The following DOCK5 variants were observed in gnomAD, a reference collection of about 807,000 sequenced individuals.
DOCK5 encodes dedicator of cytokinesis protein 5.
DOCK5 carries 142 observed loss-of-function variants against 251.8 expected under a neutral mutation model. The observed-to-expected ratio is 0.56, with a 90% confidence interval of 0.49 to 0.65. DOCK5 has a LOEUF of 0.65. Among genes scored for constraint, DOCK5 ranks in the 30% least tolerant of loss-of-function variants. The probability of loss-of-function intolerance (pLI) is 0.00; values close to 1 mark genes in which losing one functional copy is unlikely to be tolerated. For synonymous variants in DOCK5, 842 were observed against 835.5 expected, an observed-to-expected ratio of 1.01 and a Z score of -0.13; for missense variants, 2,111 against 2,312.3, an observed-to-expected ratio of 0.91 and a Z score of 1.79.
intron 48 of DOCK5, 22 bp downstream of exon 48, chr8:25,403,746 T>A: frequency 6.2e-7 from 1 of 1,612,646 alleles, no homozygotes; most frequent in Non-Finnish European, 8.5e-7. Context: ...ATCTTTAATC[T>A]GCAGGAAGGG....
intron 13 of DOCK5, among the ~76,000 whole-genome samples, chr8:25,312,661 G>C (rs1805132604): frequency 6.6e-6 from 1 of 151,572 alleles, no homozygotes; most frequent in African/African-American, 2.4e-5. Flanking sequence ...TACTCAGGAG[G>C]CTGAGGCAGG....
intron 31 of DOCK5, among the ~76,000 whole-genome samples, chr8:25,367,793 A>C (rs1800802357): frequency 6.6e-6 from 1 of 152,218 alleles, no homozygotes; most frequent in Non-Finnish European, 1.5e-5. Context: ...ATATTACCCC[A>C]ATATCAGTCT....
At chr8:25,232,553 G>T (rs1397480) in intron 1 of DOCK5, among the ~76,000 whole-genome samples, 1 of 152,126 alleles carries the variant, frequency 6.6e-6, no homozygotes, top group Non-Finnish European at 1.5e-5. Flanking sequence ...GGGCAGTCAG[G>T]TTCTGGTGAG....
chr8:25,374,548 C>T lies in DOCK5; in HGVS notation c.3726-16C>T, dbSNP rs188433578. ...CTCTCGAGTGACAAAATGCTTCCTT[C>T]TCCCCTTCTTGCCAGATATCTGTAC... On this transcript the variant is annotated splice_polypyrimidine_tract_variant and intron_variant, in intron 36 of 51. Coordinates refer to ENST00000276440, the MANE Select transcript of DOCK5 (RefSeq NM_024940.8). 759 of 1,591,712 alleles carry T rather than the reference C, an allele frequency of 4.8e-4. 2 individuals carry two copies. The African/African-American group carries it at 9.1e-3, about 19-fold the overall frequency.
Position 25,184,760 on chromosome 8 carries a change from C to G in DOCK5, c.-149C>G, listed in dbSNP as rs1307566071. On this transcript the variant is annotated 5_prime_UTR_variant, in exon 1 of 52. Transcript: ENST00000276440. ...GGCACGGGCACGGGCGCGGGCGGCG[C>G]GGCGAGGAGGCGGCCCGCGGAGTCC... 1.6e-5 allele frequency: 10 copies of G among 636,406 alleles called. No homozygotes were observed. The highest frequency in any genetic ancestry group is 4.9e-5 in the Admixed American group (1 of 20,504). 39.4% of individuals were successfully genotyped at this position (636,406 alleles called of 1,614,324 possible).
In DOCK5 at chr8:25,298,960, T is replaced by G; in HGVS notation, c.623T>G (p.Leu208Arg). The change falls in exon 8 of 52, where the codon CTC becomes CGC. Residue 208 changes from leucine to arginine, a missense_variant. By Grantham distance (102) the Leu-to-Arg change is moderately radical. Around this residue, in one of 3 missense-constraint regions of DOCK5, gnomAD observed 335 missense variants for 324.9 expected, o/e 1.03. Coordinates refer to ENST00000276440, the MANE Select transcript of DOCK5 (RefSeq NM_024940.8). ...TTTGTTCAGTCAATCCTGCAGAACCTCGATTTGCGGGGCCAGTCCATCTTC... is the reference window on the plus strand; with the variant it reads ...TTTGTTCAGTCAATCCTGCAGAACCGCGATTTGCGGGGCCAGTCCATCTTC... ...IQEEKSILQN[L>R]DLRGQSIFST... The G allele has an allele frequency of 6.2e-7, 1 of 1,612,446 alleles. No homozygotes were observed. The highest frequency in any genetic ancestry group is 1.7e-5 in the Admixed American group (1 of 59,664).
chr8:25,384,441 T>TTATA (rs1801124140), intron 40 of DOCK5, among the ~76,000 whole-genome samples: 1 of 25,032 alleles, frequency 4.0e-5, no homozygotes, highest in African/African-American at 8.4e-5. Context: ...TTTTATTTAT[T>TTATA]TATTTATTTA....
chr8:25,386,439 T>A (rs546388475), intron 40 of DOCK5, among the ~76,000 whole-genome samples: 133 of 152,080 alleles, frequency 8.7e-4, no homozygotes, highest in Non-Finnish European at 1.5e-3. Context: ...TATAAAAAAA[T>A]TTTTTAAAAA....
chr8:25,260,110 A>C (rs543870328), intron 2 of DOCK5, among the ~76,000 whole-genome samples: 5 of 152,140 alleles, frequency 3.3e-5, no homozygotes, highest in Non-Finnish European at 5.9e-5. Flanking sequence ...ACGAGTTTGC[A>C]CCCAGCAGTT....
chr8:25,403,880 A>G (rs1448193751), intron 48 of DOCK5, among the ~76,000 whole-genome samples, 156 bp downstream of exon 48: 1 of 152,238 alleles, frequency 6.6e-6, no homozygotes, highest in African/African-American at 2.4e-5. Flanking sequence ...TAATAACAAC[A>G]GTTACTAAAA....
chr8:25,283,289 T>A (rs1804249047), intron 5 of DOCK5, among the ~76,000 whole-genome samples: 1 of 152,114 alleles, frequency 6.6e-6, no homozygotes, highest in Non-Finnish European at 1.5e-5. Context: ...GGCCTTATGC[T>A]CAGGAGAGGA....
intron 40 of DOCK5, 50 bp from the exon 41 acceptor site, chr8:25,389,041 C>T (rs1801211006): frequency 6.3e-7 from 1 of 1,588,028 alleles, no homozygotes; most frequent in Non-Finnish European, 8.6e-7. Flanking sequence ...CTCCAGTTGC[C>T]TCTCCACTCT....
chr8:25,355,713 G>C (rs377398410), intron 27 of DOCK5, among the ~76,000 whole-genome samples: 3 of 152,234 alleles, frequency 2.0e-5, no homozygotes, highest in Admixed American at 1.3e-4. Context: ...GCATCCTAAA[G>C]TGCTGGGATT....
chr8:25,369,491 A>G, intron 33 of DOCK5, 65 bp from the exon 34 acceptor site: 1 of 1,461,336 alleles, frequency 6.8e-7, no homozygotes, highest in African/African-American at 1.4e-5. Context: ...CCAAGTCTAG[A>G]AAGTTGGCCA....
intron 1 of DOCK5, among the ~76,000 whole-genome samples, chr8:25,206,625 A>G (rs1386109919): frequency 6.6e-6 from 1 of 152,164 alleles, no homozygotes; most frequent in Non-Finnish European, 1.5e-5. Context: ...GGGAAGGCCT[A>G]GGTAGCCTCG....
At chr8:25,317,604 A>AGTTT (rs559523600) in intron 14 of DOCK5, among the ~76,000 whole-genome samples, 8 of 151,990 alleles carry the variant, frequency 5.3e-5, no homozygotes, top group Admixed American at 6.6e-5. Context: ...ACTGCTCTTT[A>AGTTT]GTTTGTTTGT....
chr8:25,263,178 C>CT lies in DOCK5; in HGVS notation c.128-5659dup, dbSNP rs11386811. Among the ~76,000 whole-genome samples, 466 of 151,708 alleles carry CT rather than the reference C, an allele frequency of 3.1e-3. 8 individuals carry two copies. Among genetic ancestry groups the CT allele is most frequent in the African/African-American group, 0.011 (438 of 41,150 alleles). ...GACAAATAAGATCATTTATCAGTTT[C>CT]TTTTTTTTCTTGGATTCATTCCTCA... is the stretch of plus-strand genomic sequence containing the variant. On this transcript the variant is annotated intron_variant, in intron 2 of 51. Coordinates refer to ENST00000276440, the MANE Select transcript of DOCK5 (RefSeq NM_024940.8).
intron 1 of DOCK5, among the ~76,000 whole-genome samples, chr8:25,200,650 A>C (rs925080529): frequency 1.3e-5 from 2 of 152,216 alleles, no homozygotes; most frequent in African/African-American, 4.8e-5. Flanking sequence ...ATAAGAGCAC[A>C]TTTTTGTTAC....
chr8:25,228,422 C>T (rs1407529906), intron 1 of DOCK5, among the ~76,000 whole-genome samples: 2 of 152,174 alleles, frequency 1.3e-5, no homozygotes, highest in East Asian at 3.9e-4. Flanking sequence ...TAAACAGTGA[C>T]TTTGATTGAA....
Sources: allele counts gnomAD v4.1 joint callset (sites outside exome capture counted in the v4.1 genomes callset), GRCh38; gene constraint gnomAD v4.1.1; regional missense constraint gnomAD v4.1.1; transcripts MANE v1.5; gene names NCBI Gene and HGNC (gene_info 2026-07-23, HGNC 2026-07-21).